The following EFCAB11 variants were observed in gnomAD, a reference collection of about 807,000 sequenced individuals.
The protein encoded by EFCAB11 is EF-hand calcium binding domain 11.
Under a neutral mutation model 23.0 loss-of-function variants are expected in EFCAB11, and 14 were observed. The observed-to-expected ratio is 0.61, with a 90% CI of 0.40 to 0.95. The LOEUF (loss-of-function observed/expected upper bound fraction) is 0.95. Among genes scored for constraint, EFCAB11 ranks in the 40% least tolerant of loss-of-function variants. EFCAB11 has a pLI of 0.00. For missense variants in EFCAB11, 198 were observed against 195.8 expected (o/e 1.01, Z -0.07); for synonymous variants, 65 against 66.6 (o/e 0.98, Z 0.11).
intron 5 of EFCAB11, among the ~76,000 whole-genome samples, chr14:89,912,665 G>A (rs919789153): frequency 3.3e-5 from 5 of 152,042 alleles, no homozygotes; most frequent in South Asian, 4.1e-4. Flanking sequence ...TTTGTCATAC[G>A]TTTTAGTACT....
At chr14:89,827,600 C>G (rs1055676682) in intron 5 of EFCAB11, among the ~76,000 whole-genome samples, 3 of 150,398 alleles carry the variant, frequency 2.0e-5, no homozygotes, top group African/African-American at 7.3e-5. Flanking sequence ...TTTCCATGAC[C>G]ATGTTTCATG....
chr14:89,852,783 AT>A (rs778855721), intron 5 of EFCAB11, among the ~76,000 whole-genome samples: 1 of 152,192 alleles, frequency 6.6e-6, no homozygotes, highest in African/African-American at 2.4e-5. Context: ...ATAATATAAC[AT>A]TTACCACCTT....
At chr14:89,861,475 TGAA>T (rs1215455069) in intron 5 of EFCAB11, among the ~76,000 whole-genome samples, 1 of 152,246 alleles carries the variant, frequency 6.6e-6, no homozygotes, top group Admixed American at 6.5e-5. Flanking sequence ...TGCAAACAGA[TGAA>T]GACCTTTCTC....
At chr14:89,885,733 G>T (rs1008849692) in intron 5 of EFCAB11, among the ~76,000 whole-genome samples, 1 of 130,574 alleles carries the variant, frequency 7.7e-6, no homozygotes. Flanking sequence ...GAGAAAGAGA[G>T]AGAGAGAGAA....
chr14:89,927,344 C>T (rs985887357), intron 5 of EFCAB11, among the ~76,000 whole-genome samples: 2 of 152,188 alleles, frequency 1.3e-5, no homozygotes, highest in Non-Finnish European at 1.5e-5. Flanking sequence ...CTTATTCAGT[C>T]ATTCAAGCCA....
intron 5 of EFCAB11, among the ~76,000 whole-genome samples, chr14:89,805,929 T>C (rs1885954061): frequency 6.6e-6 from 1 of 152,218 alleles, no homozygotes; most frequent in Non-Finnish European, 1.5e-5. Context: ...CCATAAATAA[T>C]TTAGATTTCT....
At position 89,953,943 on chromosome 14, in the gene EFCAB11, GT is replaced by G; in HGVS notation, c.133del (p.Thr45LeufsTer4). The G allele has an allele frequency of 6.2e-7, 1 of 1,613,818 alleles. No individual in the cohort carries two copies. The highest frequency in any genetic ancestry group is 8.5e-7 in the Non-Finnish European group (1 of 1,179,992). Reference sequence around the variant, plus strand: ...GTACCCAAACAGCATTACAACAGCAGTTTTAAAGTCCTCTCTGCTGAGATAT... The same window carrying G: ...GTACCCAAACAGCATTACAACAGCAGTTTAAAGTCCTCTCTGCTGAGATAT... ...KGYLSREDFK[T>X]AVVMLFGYKP... On this transcript the variant is annotated frameshift_variant, in exon 2 of 6. Transcript: ENST00000316738. LOFTEE classifies it high-confidence loss of function.
intron 5 of EFCAB11, among the ~76,000 whole-genome samples, chr14:89,896,156 C>A (rs141649656): frequency 0.054 from 8,221 of 152,232 alleles, 380 homozygotes; most frequent in African/African-American, 0.12. Context: ...GAGGCCGAGG[C>A]GGGCGGACCA....
intron 5 of EFCAB11, among the ~76,000 whole-genome samples, chr14:89,815,562 G>C (rs1458041624): frequency 1.3e-5 from 2 of 152,014 alleles, no homozygotes; most frequent in Non-Finnish European, 2.9e-5. Flanking sequence ...GAGTAGCTGG[G>C]ATTACAGGCG....
intron 5 of EFCAB11, among the ~76,000 whole-genome samples, chr14:89,827,628 CTTTTTTT>C (rs36007256): frequency 6.7e-5 from 7 of 105,126 alleles, no homozygotes; most frequent in East Asian, 7.0e-4. Flanking sequence ...TTTATTCACT[CTTTTTTT>C]TTTTTTTTTT....
At chr14:89,876,742 C>T (rs1888450828) in intron 5 of EFCAB11, among the ~76,000 whole-genome samples, 1 of 152,236 alleles carries the variant, frequency 6.6e-6, no homozygotes, top group Non-Finnish European at 1.5e-5. Context: ...TGCATCTGCT[C>T]TCCCAGACTG....
chr14:89,949,011 A>AAATGCTTC (rs1188174574), intron 3 of EFCAB11, among the ~76,000 whole-genome samples: 1 of 152,212 alleles, frequency 6.6e-6, no homozygotes, highest in African/African-American at 2.4e-5. Context: ...CATGAAAGAT[A>AAATGCTTC]AATGCTTCAT....
chr14:89,920,543 AG>A (rs1383490791), intron 5 of EFCAB11, among the ~76,000 whole-genome samples: 2 of 152,258 alleles, frequency 1.3e-5, no homozygotes, highest in African/African-American at 4.8e-5. Context: ...GCAAGTCTTT[AG>A]ACCTCTCTGA....
At chr14:89,931,399 C>T (rs1890384254) in intron 5 of EFCAB11, 142 bp downstream of exon 5, 1 of 766,452 alleles carries the variant, frequency 1.3e-6, no homozygotes, top group Admixed American at 2.7e-5. Context: ...GATTTCCCTC[C>T]TGGACCATGA....
Position 89,802,689 on chromosome 14 carries a change from G to A in EFCAB11, c.411-5365C>T, listed in dbSNP as rs534394998. Among the ~76,000 whole-genome samples the A allele has an allele frequency of 2.6e-3, 399 of 152,212 alleles. 2 individuals carry two copies. The highest frequency in any genetic ancestry group is 9.2e-3 in the African/African-American group (384 of 41,540). ...ATTATAGGCGTGAGCCACTGCGGTC[G>A]GACCCATAATTGCAATTTTATAAAC... is the stretch of plus-strand genomic sequence containing the variant. On this transcript the variant is annotated intron_variant, in intron 5 of 5. Transcript: ENST00000316738.
rs768884376 is a variant in EFCAB11, at chr14:89,954,675, C to T, written c.-15G>A. The T allele has an allele frequency of 6.8e-6, 11 of 1,609,016 alleles. 1 individual carries two copies. Among genetic ancestry groups the T allele is most frequent in the Non-Finnish European group, 4.2e-6 (5 of 1,178,994 alleles). On this transcript the variant is annotated 5_prime_UTR_variant, in exon 1 of 6. Transcript: ENST00000316738. ...GAGAAGAACATCGCGACTACAACAA[C>T]CGAGCCCCAGCAACCCAACCAGCTA...
chr14:89,892,967 G>A (rs542873938), intron 5 of EFCAB11, among the ~76,000 whole-genome samples: 4 of 152,284 alleles, frequency 2.6e-5, no homozygotes, highest in Admixed American at 6.5e-5. Flanking sequence ...CTGTCCTTGA[G>A]CCTCAGTGTC....
rs1283533732 is a variant in EFCAB11, at chr14:89,795,830, G to A, written c.*1413C>T. 6.6e-6 allele frequency: 1 copy of A among 152,178 alleles called. No individual in the cohort carries two copies. Among genetic ancestry groups the A allele is most frequent in the Non-Finnish European group, 1.5e-5 (1 of 68,028 alleles). The allele number at this position is 152,178 out of a possible 1,614,324, so 9.4% of individuals were successfully genotyped here. ...TAAAAGTTCTTTGACTAATGTTCAT[G>A]TTATGCATTCCGTACACTTATAAAT... is the stretch of plus-strand genomic sequence containing the variant. On this transcript the variant is annotated 3_prime_UTR_variant, in exon 6 of 6. Coordinates refer to ENST00000316738, the MANE Select transcript of EFCAB11 (RefSeq NM_145231.4).
chr14:89,936,379 T>C (rs929843429), intron 3 of EFCAB11, among the ~76,000 whole-genome samples: 2 of 152,232 alleles, frequency 1.3e-5, no homozygotes, highest in Non-Finnish European at 2.9e-5. Context: ...TACAATATTG[T>C]AGGATAAAAA....
Sources: allele counts gnomAD v4.1 joint callset (sites outside exome capture counted in the v4.1 genomes callset), GRCh38; gene constraint gnomAD v4.1.1; transcripts MANE v1.5; gene names NCBI Gene and HGNC (gene_info 2026-07-23, HGNC 2026-07-21).